Variants in SEC24D observed in about 807,000 individuals in gnomAD.
SEC24D encodes SEC24 homolog D, COPII component, also known as protein transport protein Sec24D.
In SEC24D, 69 loss-of-function variants were observed where a neutral mutation model predicts 116.9. The observed-to-expected ratio is 0.59, with a 90% CI of 0.49 to 0.72. The LOEUF (loss-of-function observed/expected upper bound fraction) is 0.72. Ranked by LOEUF, SEC24D falls within the 30% of genes least tolerant of loss-of-function variation. SEC24D has a pLI of 0.00. For synonymous variants in SEC24D, 405 were observed against 442.8 expected (o/e 0.91, Z 1.07); for missense variants, 1,131 against 1,264.1 (o/e 0.89, Z 1.60).
At chr4:118,766,265 T>C (rs1727639127) in intron 9 of SEC24D, among the ~76,000 whole-genome samples, 1 of 152,200 alleles carries the variant, frequency 6.6e-6, no homozygotes, top group Non-Finnish European at 1.5e-5. Context: ...CTTTGGCCCC[T>C]GTCTTCCTGC....
rs1046940451 is a variant in SEC24D, at chr4:118,833,616, C to T, written c.81G>A (p.Gly27=). The T allele has an allele frequency of 1.2e-6, 2 of 1,613,892 alleles. No homozygotes were observed. The highest frequency in any genetic ancestry group is 1.7e-6 in the Non-Finnish European group (2 of 1,179,856). ...PGIGLSPPHY[G]HYGDPSHTAS... ...CTGTGTGCGACGGATCCCCATAGTGCCCATAATGAGGTGGAGAAAGGCCTA... is the reference window on the plus strand; with the variant it reads ...CTGTGTGCGACGGATCCCCATAGTGTCCATAATGAGGTGGAGAAAGGCCTA... Residue 27 remains glycine (G), a synonymous_variant, in exon 2 of 23, where the codon GGG becomes GGA. Transcript: ENST00000280551.
At position 118,737,493 on chromosome 4, in the gene SEC24D, G is replaced by A. The variant is rs561779643; in HGVS notation, c.2496+768C>T. 3.1e-4 allele frequency among the ~76,000 whole-genome samples: 47 copies of A among 152,122 alleles called. No homozygotes were observed. The South Asian group carries it at 9.6e-3, about 31-fold the overall frequency. ...CTGCTGAGGATTTACTTTTAGGTGG[G>A]GCTTCAGATGTCCTCTCAGCACTCA... On this transcript the variant is annotated intron_variant, in intron 19 of 22. Transcript: ENST00000280551.
intron 9 of SEC24D, among the ~76,000 whole-genome samples, chr4:118,767,848 T>A (rs145585744): frequency 6.6e-6 from 1 of 152,200 alleles, no homozygotes; most frequent in Non-Finnish European, 1.5e-5. Context: ...AAGTTTATCA[T>A]CTGTAATCAT....
chr4:118,756,019 A>C (rs1439353476), intron 11 of SEC24D, among the ~76,000 whole-genome samples: 1 of 152,172 alleles, frequency 6.6e-6, no homozygotes, highest in African/African-American at 2.4e-5. Context: ...TCAACAGGCT[A>C]TTAGCTTCAT....
intron 14 of SEC24D, among the ~76,000 whole-genome samples, chr4:118,744,571 A>G (rs1338536975): frequency 6.6e-6 from 1 of 152,164 alleles, no homozygotes; most frequent in African/African-American, 2.4e-5. Flanking sequence ...AGGTGAAGGC[A>G]TATTTTGAGA....
intron 8 of SEC24D, among the ~76,000 whole-genome samples, chr4:118,772,805 G>A (rs1331220262): frequency 1.3e-5 from 2 of 152,110 alleles, no homozygotes; most frequent in East Asian, 1.9e-4. Context: ...TAAAGCAAAC[G>A]CCTAGCTTCC....
intron 2 of SEC24D, among the ~76,000 whole-genome samples, chr4:118,828,183 AC>A (rs1004536953): frequency 1.3e-5 from 2 of 151,458 alleles, no homozygotes; most frequent in African/African-American, 4.9e-5. Flanking sequence ...ATCTCAGCTC[AC>A]TGCAAGCTCC....
In SEC24D at chr4:118,789,738, C is replaced by T. The variant is rs1013300044; in HGVS notation, c.1041+7945G>A. 2.6e-5 allele frequency among the ~76,000 whole-genome samples: 4 copies of T among 152,270 alleles called. No homozygotes were observed. The East Asian group carries it at 7.7e-4, about 29-fold the overall frequency. On this transcript the variant is annotated intron_variant, in intron 8 of 22. Transcript: ENST00000280551. ...TAGCTGGGACTACAGGCACGTGCCA[C>T]CATGCCAGGCTAATTTTTTGTATTT...
intron 8 of SEC24D, among the ~76,000 whole-genome samples, chr4:118,791,937 G>T (rs534824052): frequency 1.3e-5 from 2 of 152,008 alleles, no homozygotes; most frequent in Non-Finnish European, 2.9e-5. Context: ...GCCTCTGCCC[G>T]ACCGCCACCC....
chr4:118,743,906 C>T, intron 15 of SEC24D, 82 bp downstream of exon 15: 4 of 1,283,728 alleles, frequency 3.1e-6, no homozygotes, highest in African/African-American at 1.5e-5. Context: ...CACCAGGGAA[C>T]ACAGCTTTTT....
intron 7 of SEC24D, among the ~76,000 whole-genome samples, chr4:118,800,737 T>C (rs1578450701): frequency 6.6e-6 from 1 of 152,322 alleles, no homozygotes; most frequent in East Asian, 1.9e-4. Flanking sequence ...ACTCTATGGA[T>C]TAATATATTT....
At position 118,754,353 on chromosome 4, in the gene SEC24D, C is replaced by T. The variant is rs150029528; in HGVS notation, c.1422-1465G>A. 1.8e-3 allele frequency among the ~76,000 whole-genome samples: 275 copies of T among 152,252 alleles called. 2 individuals are homozygous for T. The highest frequency in any genetic ancestry group is 6.4e-3 in the African/African-American group (266 of 41,564). On this transcript the variant is annotated intron_variant, in intron 11 of 22. Coordinates refer to ENST00000280551, the MANE Select transcript of SEC24D (RefSeq NM_014822.4). ...ATCCATACTCACCCCAACCCCCACC[C>T]GATTCATTTGAATCTTACTCTTCAA...
intron 6 of SEC24D, among the ~76,000 whole-genome samples, chr4:118,806,487 TTTTC>T (rs1729685729): frequency 6.6e-6 from 1 of 151,884 alleles, no homozygotes; most frequent in Non-Finnish European, 1.5e-5. Flanking sequence ...ACCTGGCTAA[TTTTC>T]TTTTTCTTCA....
chr4:118,740,973 A>G lies in SEC24D; in HGVS notation c.2060T>C (p.Phe687Ser). The change falls in exon 16 of 23, where the codon TTT becomes TCT. Residue 687 changes from phenylalanine to serine, a missense_variant. Transcript: ENST00000280551. ...GGTACGAACCCTCATAATAGCATCA[A>G]AGCCTATTTTCTTTTCAATATCATT... ...LRNDIEKKIGFDAIMRVRTST... is the reference protein window; with the variant it reads ...LRNDIEKKIGSDAIMRVRTST... The G allele has an allele frequency of 6.3e-7, 1 of 1,599,974 alleles. No homozygotes were observed. The highest frequency in any genetic ancestry group is 8.5e-7 in the Non-Finnish European group (1 of 1,171,670).
chr4:118,732,657 TATAAC>T, intron 20 of SEC24D, 71 bp downstream of exon 20: 3 of 1,343,644 alleles, frequency 2.2e-6, no homozygotes, highest in Middle Eastern at 2.0e-4. Flanking sequence ...ATATTTCAGA[TATAAC>T]ATACGGGAAA....
intron 8 of SEC24D, among the ~76,000 whole-genome samples, chr4:118,772,445 A>G (rs1054113445): frequency 1.3e-5 from 2 of 152,222 alleles, no homozygotes; most frequent in Non-Finnish European, 2.9e-5. Context: ...AAATACAAAT[A>G]AACATGGAAT....
chr4:118,811,272 T>C (rs918512699), intron 6 of SEC24D, among the ~76,000 whole-genome samples: 6 of 152,196 alleles, frequency 3.9e-5, no homozygotes, highest in Non-Finnish European at 8.8e-5. Flanking sequence ...TTATTAATGA[T>C]GGGAGGCATC....
At chr4:118,741,369 A>C (rs906550789) in intron 15 of SEC24D, among the ~76,000 whole-genome samples, 1 of 152,176 alleles carries the variant, frequency 6.6e-6, no homozygotes, top group African/African-American at 2.4e-5. Flanking sequence ...CCCAATGTAT[A>C]ATACCCGTTT....
rs540572072 is a variant in SEC24D, at chr4:118,812,488, A to T, written c.801+2540T>A. ...GAGACACAAAGGCAGCCAGACGTGG[A>T]GAGGAGCACATCAGCGGATAAAGAT... is the stretch of plus-strand genomic sequence containing the variant. On this transcript the variant is annotated intron_variant, in intron 6 of 22. Transcript: ENST00000280551. Among the ~76,000 whole-genome samples, 37 of 152,246 alleles carry T rather than the reference A, an allele frequency of 2.4e-4. 1 individual carries two copies. In the South Asian group the frequency reaches 7.7e-3, roughly 32 times the overall value.
Sources: gnomAD v4.1 joint callset for allele counts (sites outside exome capture counted in the v4.1 genomes callset) on GRCh38, gnomAD v4.1.1 for gene constraint, MANE v1.5 for transcripts, NCBI Gene and HGNC (gene_info 2026-07-23, HGNC 2026-07-21) for gene names.